The following TTC19 variants were observed in gnomAD, a reference collection of about 807,000 sequenced individuals.
The protein encoded by TTC19 is tetratricopeptide repeat domain 19.
In TTC19, 38 loss-of-function variants were observed where a neutral mutation model predicts 49.5. The ratio of observed to expected loss-of-function variants is 0.77; its 90% confidence interval spans 0.59 to 1.01. TTC19 has a LOEUF of 1.01. Among genes scored for constraint, TTC19 ranks in the 50% least tolerant of loss-of-function variants. The pLI, the probability that TTC19 is intolerant of heterozygous loss-of-function variation, is 0.00. For missense variants in TTC19, 475 were observed against 477.7 expected (o/e 0.99, Z 0.05); for synonymous variants, 204 against 185.2 (o/e 1.10, Z -0.83).
At chr17:16,007,904 T>A (rs1025366036) in intron 7 of TTC19, among the ~76,000 whole-genome samples, 2 of 152,220 alleles carry the variant, frequency 1.3e-5, no homozygotes, top group African/African-American at 4.8e-5. Flanking sequence ...TTTGTTTTCA[T>A]CACTCCACTG....
chr17:16,031,685 T>C (rs561036342), downstream of TTC19: 5 of 227,548 alleles, frequency 2.2e-5, no homozygotes, highest in Non-Finnish European at 4.4e-5. Flanking sequence ...AATGTACAGA[T>C]TTTATGACAG....
chr17:16,042,988 G>A (rs941078661), intron 2 of TTC19, among the ~76,000 whole-genome samples: 3 of 152,012 alleles, frequency 2.0e-5, no homozygotes, highest in Non-Finnish European at 2.9e-5. Context: ...AGGAGAAAGG[G>A]GCTAAGAAGT....
At chr17:16,034,881 G>T in intron 2 of TTC19, 2 of 1,614,064 alleles carry the variant, frequency 1.2e-6, no homozygotes, top group East Asian at 2.2e-5. Flanking sequence ...GCCTTGCCCA[G>T]GTATAGGAGA....
Position 16,026,597 on chromosome 17 carries a change from G to A in TTC19, c.889G>A (p.Glu297Lys), listed in dbSNP as rs1216235675. 1.2e-6 allele frequency: 2 copies of A among 1,614,122 alleles called. No individual in the cohort carries two copies. The highest frequency in any genetic ancestry group is 1.3e-5 in the African/African-American group (1 of 75,040). ...TTLDAQGRFD[E>K]AYIYMQRASD... is the part of the protein sequence containing the mutation. ...CCTGGATGCACAGGGCCGCTTTGAT[G>A]AGGCCTATATTTATATGCAAAGGGC... The change falls in exon 9 of 10, where the codon GAG becomes AAG. Residue 297 changes from glutamate (E) to lysine (K), a missense_variant. Coordinates refer to ENST00000261647, the MANE Select transcript of TTC19 (RefSeq NM_017775.4).
At chr17:16,009,045 C>T (rs370041410) in intron 7 of TTC19, among the ~76,000 whole-genome samples, 1 of 149,296 alleles carries the variant, frequency 6.7e-6, no homozygotes, top group African/African-American at 2.6e-5. Context: ...ATCCTCGGTG[C>T]CTAGAACAGT....
chr17:16,037,117 G>C (rs2056552832), intron 2 of TTC19, among the ~76,000 whole-genome samples: 1 of 152,178 alleles, frequency 6.6e-6, no homozygotes, highest in African/African-American at 2.4e-5. Flanking sequence ...CAGGGAATAA[G>C]GGAGCCAGAG....
In TTC19 at chr17:16,026,719, A is replaced by G; in HGVS notation, c.994+17A>G. ...TGCACAGAGGTAGGTAGCAATGTAA[A>G]CTTAACTGACTTGCTTTAAGGGAGG... On this transcript the variant is annotated intron_variant, in intron 9 of 9. Coordinates refer to ENST00000261647, the MANE Select transcript of TTC19 (RefSeq NM_017775.4). 1 of 1,613,666 alleles carries G rather than the reference A, an allele frequency of 6.2e-7. No homozygotes were observed. Among genetic ancestry groups the G allele is most frequent in the East Asian group, 2.2e-5 (1 of 44,876 alleles).
At chr17:16,003,933 A>G (rs1266623291) in intron 5 of TTC19, 46 bp downstream of exon 5, 2 of 1,598,370 alleles carry the variant, frequency 1.3e-6, no homozygotes, top group South Asian at 1.1e-5. Context: ...GCAGTTTTCA[A>G]AACAGTCTTG....
At position 16,026,660 on chromosome 17, in the gene TTC19, C is replaced by G. The variant is rs1264917015; in HGVS notation, c.952C>G (p.His318Asp). 1 of 1,613,998 alleles carries G rather than the reference C, an allele frequency of 6.2e-7. No homozygotes were observed. Among genetic ancestry groups the G allele is most frequent in the African/African-American group, 1.3e-5 (1 of 74,918 alleles). Reference protein sequence around the residue: ...LARQINHPELHMVLSNLAAVL... With the variant: ...LARQINHPELDMVLSNLAAVL... ...AAGACAGATAAATCATCCTGAGCTA[C>G]ACATGGTACTCAGTAATCTAGCTGC... The change falls in exon 9 of 10, where the codon CAC becomes GAC. Residue 318 changes from histidine (H) to aspartate (D), a missense_variant. Transcript: ENST00000261647.
rs2151686696 is a variant in TTC19, at chr17:16,027,463, G to A, written c.1084G>A (p.Glu362Lys). 1.2e-6 allele frequency: 2 copies of A among 1,614,080 alleles called. No homozygotes were observed. Among genetic ancestry groups the A allele is most frequent in the East Asian group, 2.2e-5 (1 of 44,880 alleles). The change falls in exon 10 of 10, where the codon GAA becomes AAA. Residue 362 changes from glutamate to lysine, a missense_variant. Transcript: ENST00000261647. Reference protein sequence around the residue: ...KDEISVQHIREELAELSKKSR... With the variant: ...KDEISVQHIRKELAELSKKSR... ...TGAAATTTCTGTACAACACATCAGG[G>A]AAGAGTTGGCTGAGCTGTCAAAGAA...
At chr17:16,006,231 G>A (rs1033371902) in intron 6 of TTC19, among the ~76,000 whole-genome samples, 3 of 152,186 alleles carry the variant, frequency 2.0e-5, no homozygotes, top group African/African-American at 7.2e-5. Context: ...CCAACATGGT[G>A]AAACTCTGTC....
chr17:16,001,332 C>T (rs1443648367), intron 2 of TTC19, among the ~76,000 whole-genome samples: 1 of 152,174 alleles, frequency 6.6e-6, no homozygotes, highest in Non-Finnish European at 1.5e-5. Flanking sequence ...CCTCCCTTCA[C>T]ATCTATTTCT....
intron 2 of TTC19, chr17:16,035,011 A>C: frequency 6.9e-7 from 1 of 1,448,418 alleles, no homozygotes; most frequent in South Asian, 1.2e-5. Context: ...AATGCTAATG[A>C]TTATATATTG....
chr17:16,029,380 G>T lies in TTC19; in HGVS notation c.*1858G>T. ...ATTCAAAAGTGAATTGGTTAAAATCGTGTCATTAAAATTTTTTAACTGTCC... is the reference window on the plus strand; with the variant it reads ...ATTCAAAAGTGAATTGGTTAAAATCTTGTCATTAAAATTTTTTAACTGTCC... On this transcript the variant is annotated 3_prime_UTR_variant, in exon 10 of 10. Transcript: ENST00000261647. 1 of 337,506 alleles carries T rather than the reference G, an allele frequency of 3.0e-6. No homozygotes were observed. The highest frequency in any genetic ancestry group is 2.4e-5 in the South Asian group (1 of 41,958). The allele number at this position is 337,506 out of a possible 1,614,324, so 20.9% of individuals were successfully genotyped here. A position where few individuals can be genotyped will look rare whatever the true frequency, so the allele number is the denominator to read the frequency against.
chr17:16,024,711 T>C (rs1971495475), intron 7 of TTC19: 1 of 385,272 alleles, frequency 2.6e-6, no homozygotes, highest in Non-Finnish European at 4.9e-6. Flanking sequence ...AGGTTTTTCA[T>C]TGGCCTTGAC....
rs1215500706 is a variant in TTC19 at position 16,027,933 on chromosome 17, G to A, written c.*411G>A. On this transcript the variant is annotated 3_prime_UTR_variant, in exon 10 of 10. Transcript: ENST00000261647. ...CTCTTACTTTACTTTATCAATACCTGGCAAACTGACCAGAATTACCTTCCT... is the reference window on the plus strand; with the variant it reads ...CTCTTACTTTACTTTATCAATACCTAGCAAACTGACCAGAATTACCTTCCT... 1 of 455,288 alleles carries A rather than the reference G, an allele frequency of 2.2e-6. No individual in the cohort carries two copies. Among genetic ancestry groups the A allele is most frequent in the Non-Finnish European group, 4.4e-6 (1 of 227,638 alleles). The allele number at this position is 455,288 out of a possible 1,614,324, so 28.2% of individuals were successfully genotyped here. A position where few individuals can be genotyped will look rare whatever the true frequency, so the allele number is the denominator to read the frequency against.
intron 5 of TTC19, 43 bp from the exon 6 acceptor site, chr17:16,004,158 A>AT: frequency 6.3e-7 from 1 of 1,589,022 alleles, no homozygotes; most frequent in East Asian, 2.2e-5. Flanking sequence ...GCCATGAAAA[A>AT]ATTTACTTGT....
intron 7 of TTC19, among the ~76,000 whole-genome samples, chr17:16,016,716 T>G (rs1971228300): frequency 6.6e-6 from 1 of 151,846 alleles, no homozygotes; most frequent in Admixed American, 6.6e-5. Flanking sequence ...CACCACTGCA[T>G]CTGGCTAATT....
At chr17:16,022,312 T>G (rs143051681) in intron 7 of TTC19, among the ~76,000 whole-genome samples, 1 of 152,324 alleles carries the variant, frequency 6.6e-6, no homozygotes, top group Non-Finnish European at 1.5e-5. Flanking sequence ...GGATGTGTGT[T>G]ATAGTTTATC....
Sources: allele counts gnomAD v4.1 joint callset (sites outside exome capture counted in the v4.1 genomes callset), GRCh38; gene constraint gnomAD v4.1.1; transcripts MANE v1.5; gene names NCBI Gene and HGNC (gene_info 2026-07-23, HGNC 2026-07-21).